HIPK2: variants seen among roughly 807,000 people sequenced by gnomAD.
HIPK2 encodes homeodomain-interacting protein kinase 2.
Under a neutral mutation model 113.7 loss-of-function variants are expected in HIPK2, and 27 were observed. That is an observed-to-expected ratio of 0.24 (90% CI 0.17 to 0.33). The LOEUF (loss-of-function observed/expected upper bound fraction) is 0.33, where lower values mean the gene tolerates loss of function less well. Among genes scored for constraint, HIPK2 ranks in the 10% least tolerant of loss-of-function variants. The pLI, the probability that HIPK2 is intolerant of heterozygous loss-of-function variation, is 1.00. For synonymous variants in HIPK2, 631 were observed against 642.2 expected (o/e 0.98, Z 0.26); for missense variants, 1,257 against 1,588.0 (o/e 0.79, Z 3.54).
At chr7:139,726,351 C>T (rs1795574129) in intron 1 of HIPK2, among the ~76,000 whole-genome samples, 1 of 151,940 alleles carries the variant, frequency 6.6e-6, no homozygotes, top group Non-Finnish European at 1.5e-5. Flanking sequence ...TAAAACTCTG[C>T]AGAGGAGAAA....
At chr7:139,768,072 G>A (rs1796581897) in intron 1 of HIPK2, among the ~76,000 whole-genome samples, 1 of 152,252 alleles carries the variant, frequency 6.6e-6, no homozygotes, top group Admixed American at 6.5e-5. Flanking sequence ...GTGGGCAAGA[G>A]GCACCCCAGT....
chr7:139,715,465 C>T (rs775598034), intron 2 of HIPK2, among the ~76,000 whole-genome samples: 1 of 152,186 alleles, frequency 6.6e-6, no homozygotes, highest in African/African-American at 2.4e-5. Context: ...AGTTGCAATT[C>T]CTTGATCTGA....
At chr7:139,606,829 T>G (rs1040241365) in intron 9 of HIPK2, among the ~76,000 whole-genome samples, 1 of 152,214 alleles carries the variant, frequency 6.6e-6, no homozygotes, top group Non-Finnish European at 1.5e-5. Context: ...CCAATTAGTT[T>G]TTTAGTGCTT....
intron 1 of HIPK2, among the ~76,000 whole-genome samples, chr7:139,719,394 G>A (rs541767676): frequency 2.0e-5 from 3 of 151,998 alleles, no homozygotes; most frequent in Non-Finnish European, 2.9e-5. Flanking sequence ...GTGAGCCACC[G>A]CACCCAGCCC....
At position 139,683,283 on chromosome 7, in the gene HIPK2, G is replaced by A. The variant is rs554047619; in HGVS notation, c.1103+32649C>T. 2.0e-5 allele frequency among the ~76,000 whole-genome samples: 3 copies of A among 152,284 alleles called. No homozygotes were observed. The highest frequency in any genetic ancestry group is 2.9e-5 in the Non-Finnish European group (2 of 68,024). ...GCCTGTTAATGTGTAACAAGGTACC[G>A]CAAAACTTAGTGCCTTAAAATAACC... On this transcript the variant is annotated intron_variant, in intron 2 of 14. Transcript: ENST00000406875. This position sits in a 1 kb window ranked among gnomAD's most constrained non-coding sequence, Gnocchi z 4.2.
chr7:139,602,771 G>A (rs117777927), intron 10 of HIPK2, among the ~76,000 whole-genome samples: 145 of 152,286 alleles, frequency 9.5e-4, no homozygotes, highest in Non-Finnish European at 1.8e-3. Context: ...TCATGTACCG[G>A]GCACTGCGAT....
intron 1 of HIPK2, among the ~76,000 whole-genome samples, chr7:139,735,147 T>G (rs1795902204): frequency 6.6e-6 from 1 of 152,340 alleles, no homozygotes; most frequent in South Asian, 2.1e-4. Flanking sequence ...GCAGGTTCTT[T>G]AAGAGAAGTA....
intron 2 of HIPK2, among the ~76,000 whole-genome samples, chr7:139,708,725 T>C (rs1354685539): frequency 6.6e-6 from 1 of 152,214 alleles, no homozygotes; most frequent in Admixed American, 6.5e-5. Context: ...CCCTTGCATG[T>C]CCAAGCATGC....
At chr7:139,776,111 C>T (rs1796738187) in intron 1 of HIPK2, among the ~76,000 whole-genome samples, 1 of 152,164 alleles carries the variant, frequency 6.6e-6, no homozygotes, top group African/African-American at 2.4e-5. Context: ...TGGGTTCTCC[C>T]GCATGTTCAC....
Position 139,572,896 on chromosome 7 carries a change from C to A in HIPK2, c.*31G>T. ...CCCTCCTCCCTCGGGCCATTCTCTC[C>A]CTCCCTCCCTCCCTCCCTCCCCTCC... On this transcript the variant is annotated 3_prime_UTR_variant, in exon 15 of 15. Transcript: ENST00000406875. 1.8e-6 allele frequency: 1 copy of A among 548,070 alleles called. No homozygotes were observed. Among genetic ancestry groups the A allele is most frequent in the South Asian group, 2.0e-5 (1 of 49,718 alleles). The allele number at this position is 548,070 out of a possible 1,614,324, so 34.0% of individuals were successfully genotyped here.
chr7:139,667,275 T>C (rs565597819), intron 2 of HIPK2, among the ~76,000 whole-genome samples: 1 of 152,348 alleles, frequency 6.6e-6, no homozygotes, highest in Admixed American at 6.5e-5. Context: ...TTATAAACTT[T>C]GTCACTGCTC....
intron 1 of HIPK2, among the ~76,000 whole-genome samples, chr7:139,772,089 T>C (rs1796661885): frequency 6.6e-6 from 1 of 152,326 alleles, no homozygotes; most frequent in East Asian, 1.9e-4. Context: ...ACTATATCTG[T>C]GTCAAGGTCT....
intron 1 of HIPK2, among the ~76,000 whole-genome samples, chr7:139,760,833 C>T (rs1386705745): frequency 6.6e-6 from 1 of 152,184 alleles, no homozygotes; most frequent in African/African-American, 2.4e-5. Flanking sequence ...CCTGATTGTA[C>T]TCTCTAATAC....
At chr7:139,662,478 A>G (rs946211954) in intron 2 of HIPK2, among the ~76,000 whole-genome samples, 2 of 152,192 alleles carry the variant, frequency 1.3e-5, no homozygotes, top group African/African-American at 4.8e-5. Flanking sequence ...TTGCCAAAGA[A>G]ATCCTGTAAG....
At chr7:139,775,651 A>G (rs982445084) in intron 1 of HIPK2, among the ~76,000 whole-genome samples, 3 of 152,156 alleles carry the variant, frequency 2.0e-5, no homozygotes, top group Admixed American at 1.3e-4. Flanking sequence ...AAAACAGTTC[A>G]TGAGACTTTT....
intron 2 of HIPK2, among the ~76,000 whole-genome samples, chr7:139,704,204 C>G (rs1475430231): frequency 1.4e-5 from 2 of 138,896 alleles, no homozygotes; most frequent in Non-Finnish European, 3.1e-5. Flanking sequence ...ACACCCAACA[C>G]ACACACCACA....
intron 2 of HIPK2, among the ~76,000 whole-genome samples, chr7:139,667,487 T>A (rs1037454608): frequency 1.3e-5 from 2 of 152,232 alleles, no homozygotes; most frequent in African/African-American, 4.8e-5. Flanking sequence ...ACATAGTTTT[T>A]AATTAATTTT....
intron 1 of HIPK2, among the ~76,000 whole-genome samples, chr7:139,722,813 A>G (rs1277200971): frequency 6.6e-6 from 1 of 152,020 alleles, no homozygotes. Context: ...AGCTTCTGTG[A>G]TAAGTGAAAA....
At chr7:139,695,378 C>T (rs1245739774) in intron 2 of HIPK2, among the ~76,000 whole-genome samples, 4 of 152,152 alleles carry the variant, frequency 2.6e-5, no homozygotes, top group Admixed American at 1.3e-4. Flanking sequence ...TTTCACCACC[C>T]GCTAGTTAGA....
Sources: allele counts gnomAD v4.1 joint callset (sites outside exome capture counted in the v4.1 genomes callset), GRCh38; gene constraint gnomAD v4.1.1; non-coding constraint Gnocchi (gnomAD v3.1); transcripts MANE v1.5; gene names NCBI Gene and HGNC (gene_info 2026-07-23, HGNC 2026-07-21).